The following TUSC3 variants were observed in gnomAD, a reference collection of about 807,000 sequenced individuals.
TUSC3 encodes the protein tumor suppressor candidate 3.
A neutral mutation model predicts 44.8 loss-of-function variants in TUSC3; 45 were observed. The ratio of observed to expected loss-of-function variants is 1.00; its 90% CI spans 0.79 to 1.29. The LOEUF (loss-of-function observed/expected upper bound fraction) is 1.29. Ranked by LOEUF, TUSC3 falls within the 50% of genes most tolerant of loss-of-function variation. The pLI is 0.00. For synonymous variants in TUSC3, 212 were observed against 152.9 expected, an observed-to-expected ratio of 1.39 and a Z score of -2.85; for missense variants, 519 against 437.9, an observed-to-expected ratio of 1.19 and a Z score of -1.65.
intron 1 of TUSC3, among the ~76,000 whole-genome samples, chr8:15,566,341 G>A (rs535266601): frequency 9.9e-5 from 15 of 152,122 alleles, no homozygotes; most frequent in African/African-American, 3.4e-4. Context: ...GCTCAGAAAC[G>A]GATTTTAGTG....
rs980325890 is a variant in TUSC3 at position 15,577,507 on chromosome 8, G to T, written c.138+36939G>T. ...TTTTTTGTATAAGGTGTAAGGAAGG[G>T]ATCCAGTTTCAGCTTTCTACATATG... is the stretch of plus-strand genomic sequence containing the variant. On this transcript the variant is annotated intron_variant, in intron 1 of 10. Coordinates refer to ENST00000503731, the MANE Select transcript of TUSC3 (RefSeq NM_006765.4). Among the ~76,000 whole-genome samples, 15 of 150,750 alleles carry T rather than the reference G, an allele frequency of 1.0e-4. 1 individual carries two copies. The highest frequency in any genetic ancestry group is 7.8e-4 in the East Asian group (4 of 5,096).
chr8:15,554,463 C>G (rs1435274485), intron 1 of TUSC3, among the ~76,000 whole-genome samples: 1 of 151,418 alleles, frequency 6.6e-6, no homozygotes, highest in Non-Finnish European at 1.5e-5. Flanking sequence ...GGGTGAGCAG[C>G]CTCCCTGACA....
intron 1 of TUSC3, among the ~76,000 whole-genome samples, chr8:15,568,216 G>T (rs1303296442): frequency 2.6e-5 from 4 of 152,164 alleles, no homozygotes; most frequent in Non-Finnish European, 5.9e-5. Flanking sequence ...AAAGTGTGGT[G>T]TGCAGATGCT....
chr8:15,490,855 C>G (rs907154762), intron 2 of TUSC3, among the ~76,000 whole-genome samples: 3 of 152,136 alleles, frequency 2.0e-5, no homozygotes, highest in Admixed American at 1.3e-4. Flanking sequence ...TGAGGCAGGT[C>G]TAGTCATTCT....
chr8:15,635,366 G>A (rs1486883219), intron 2 of TUSC3, among the ~76,000 whole-genome samples: 1 of 152,080 alleles, frequency 6.6e-6, no homozygotes, highest in East Asian at 1.9e-4. Context: ...TAATTTTTGA[G>A]GTGGCTCAAA....
At chr8:15,662,382 T>C in intron 5 of TUSC3, 86 bp downstream of exon 5, 1 of 1,561,516 alleles carries the variant, frequency 6.4e-7, no homozygotes, top group Non-Finnish European at 8.8e-7. Flanking sequence ...GAGCCAGATA[T>C]AACTATAATA....
At chr8:15,715,460 T>C (rs1459274528) in intron 6 of TUSC3, among the ~76,000 whole-genome samples, 1 of 152,078 alleles carries the variant, frequency 6.6e-6, no homozygotes, top group East Asian at 1.9e-4. Context: ...GAAGGTAGCA[T>C]GTACAGTGTG....
chr8:15,455,933 C>G (rs1310799770), intron 1 of TUSC3, among the ~76,000 whole-genome samples: 3 of 152,176 alleles, frequency 2.0e-5, no homozygotes, highest in Non-Finnish European at 4.4e-5. Context: ...ACATCCACTA[C>G]TGTAGAAGAT....
rs1347070807 is a variant in TUSC3 at position 15,766,232 on chromosome 8, C to G, written c.*2076C>G. The G allele has an allele frequency of 6.6e-6, 1 of 151,890 alleles. No homozygotes were observed. Among genetic ancestry groups the G allele is most frequent in the East Asian group, 1.9e-4 (1 of 5,182 alleles). The allele number at this position is 151,890 out of a possible 1,614,324, so 9.4% of individuals were successfully genotyped here. A position where few individuals can be genotyped will look rare whatever the true frequency, so the allele number is the denominator to read the frequency against. On this transcript the variant is annotated 3_prime_UTR_variant, in exon 11 of 11. Transcript: ENST00000503731. ...CAACTGTTACATTAGGGAAGTGATT[C>G]TAGAGCAAAATATACTGCCTCAACA...
intron 1 of TUSC3, among the ~76,000 whole-genome samples, chr8:15,562,303 T>G (rs1379514265): frequency 2.0e-5 from 3 of 152,162 alleles, no homozygotes; most frequent in African/African-American, 7.2e-5. Context: ...AAATCTTATT[T>G]CTTAGTGTGG....
intron 2 of TUSC3, among the ~76,000 whole-genome samples, chr8:15,522,580 C>G (rs1054913800): frequency 4.0e-5 from 6 of 151,426 alleles, no homozygotes; most frequent in Non-Finnish European, 7.4e-5. Context: ...AGTCACGATC[C>G]ACTCCCACAT....
chr8:15,601,094 G>A lies in TUSC3; in HGVS notation c.139-21986G>A, dbSNP rs558740449. On this transcript the variant is annotated intron_variant, in intron 1 of 10. Transcript: ENST00000503731. The stretch of plus-strand genomic sequence containing the variant: ...TATGAATTAACTTTGTTAAAGGTCA[G>A]CAGATTTGTTACAGTATCCATAGGT... Among the ~76,000 whole-genome samples the A allele has an allele frequency of 3.3e-5, 5 of 151,828 alleles. No individual in the cohort carries two copies. In the South Asian group the frequency reaches 8.3e-4, roughly 25 times the overall value.
intron 6 of TUSC3, among the ~76,000 whole-genome samples, chr8:15,711,317 C>T (rs1324415522): frequency 6.6e-6 from 1 of 151,664 alleles, no homozygotes. Flanking sequence ...GAAGATTCTG[C>T]TCTTTTTTTC....
intron 2 of TUSC3, among the ~76,000 whole-genome samples, chr8:15,489,991 A>G (rs1800786228): frequency 6.6e-6 from 1 of 152,198 alleles, no homozygotes; most frequent in East Asian, 1.9e-4. Flanking sequence ...TCAAAATAAG[A>G]AATTTATCTC....
At chr8:15,499,276 C>T (rs1012829916) in intron 2 of TUSC3, among the ~76,000 whole-genome samples, 1 of 152,170 alleles carries the variant, frequency 6.6e-6, no homozygotes, top group Non-Finnish European at 1.5e-5. Flanking sequence ...TTTTCCTTAT[C>T]AACATTTACT....
Position 15,441,341 on chromosome 8 carries a change from A to G in TUSC3, n.91+24036A>G, listed in dbSNP as rs986401370. On this transcript the variant is annotated intron_variant and non_coding_transcript_variant, in intron 1 of 5. Transcript: ENST00000503191. ...AGAATTGCTTGAGCCCAGGAGGTGG[A>G]GTTTTCAGTGAGCCGAGATCGCGTC... Among the ~76,000 whole-genome samples the G allele has an allele frequency of 6.6e-5, 10 of 152,190 alleles. No homozygotes were observed. In the East Asian group the frequency reaches 1.9e-3, roughly 29 times the overall value.
chr8:15,503,385 A>T (rs981334243), intron 2 of TUSC3, among the ~76,000 whole-genome samples: 1 of 152,072 alleles, frequency 6.6e-6, no homozygotes, highest in African/African-American at 2.4e-5. Flanking sequence ...GCACTGTGCT[A>T]TGGCAGCCCT....
chr8:15,735,434 A>G (rs990090380), intron 7 of TUSC3, among the ~76,000 whole-genome samples: 2 of 152,328 alleles, frequency 1.3e-5, no homozygotes, highest in East Asian at 1.9e-4. Flanking sequence ...AGTTCCTAAG[A>G]TTGATTAGGC....
intron 2 of TUSC3, among the ~76,000 whole-genome samples, chr8:15,626,390 T>G (rs1281620290): frequency 1.3e-5 from 2 of 152,146 alleles, no homozygotes; most frequent in African/African-American, 4.8e-5. Flanking sequence ...GAACTGGGTC[T>G]GGGGCAGTGC....
Sources: gnomAD v4.1 joint callset for allele counts (sites outside exome capture counted in the v4.1 genomes callset) on GRCh38, gnomAD v4.1.1 for gene constraint, MANE v1.5 for transcripts, NCBI Gene and HGNC (gene_info 2026-07-23, HGNC 2026-07-21) for gene names.